The following GPM6A variants were observed in gnomAD, a reference collection of about 807,000 sequenced individuals.
GPM6A encodes the protein neuronal membrane glycoprotein M6-a.
Under a neutral mutation model 32.1 loss-of-function variants are expected in GPM6A, and 7 were observed. The observed-to-expected ratio is 0.22, with a 90% CI of 0.12 to 0.41. The LOEUF is 0.41. GPM6A is among the 10% of genes least tolerant of loss of function. GPM6A has a pLI of 1.00. For missense variants in GPM6A, 235 were observed against 347.2 expected (o/e 0.68, Z 2.57); for synonymous variants, 130 against 123.4 (o/e 1.05, Z -0.35).
intron 1 of GPM6A, among the ~76,000 whole-genome samples, chr4:175,840,544 C>G (rs1420176375): frequency 6.6e-6 from 1 of 152,042 alleles, no homozygotes; most frequent in African/African-American, 2.4e-5. Context: ...CCTTGTGGCG[C>G]AGGCCTGTAA....
chr4:175,874,472 C>T (rs1369423162), intron 1 of GPM6A, among the ~76,000 whole-genome samples: 3 of 151,948 alleles, frequency 2.0e-5, no homozygotes, highest in Admixed American at 2.0e-4. Context: ...CTTGAGAGAG[C>T]AGGTTCAGTA....
chr4:175,960,924 A>C (rs1740143479), intron 1 of GPM6A, among the ~76,000 whole-genome samples: 1 of 152,248 alleles, frequency 6.6e-6, no homozygotes, highest in Admixed American at 6.5e-5. Flanking sequence ...CTTCCAAGAC[A>C]TAGCTACTTT....
chr4:175,923,458 A>G (rs1738734540), intron 1 of GPM6A, among the ~76,000 whole-genome samples: 1 of 150,774 alleles, frequency 6.6e-6, no homozygotes, highest in East Asian at 1.9e-4. Flanking sequence ...GTGTGAGCAG[A>G]AGTCGGTGAT....
chr4:175,896,803 G>A (rs918181244), intron 1 of GPM6A, among the ~76,000 whole-genome samples: 1 of 152,008 alleles, frequency 6.6e-6, no homozygotes, highest in African/African-American at 2.4e-5. Context: ...GTTATTCAAG[G>A]CCATATTCTG....
chr4:175,668,154 T>C (rs758825607), intron 3 of GPM6A, among the ~76,000 whole-genome samples: 20 of 152,152 alleles, frequency 1.3e-4, no homozygotes, highest in Non-Finnish European at 2.8e-4. Context: ...TATTTTTTCT[T>C]ATTTATTTCT....
At chr4:175,948,817 A>G (rs1350373679) in intron 1 of GPM6A, among the ~76,000 whole-genome samples, 2 of 137,208 alleles carry the variant, frequency 1.5e-5, no homozygotes, top group Non-Finnish European at 2.9e-5. Flanking sequence ...AACAATGTTA[A>G]TACTAACTTA....
At chr4:175,649,451 G>C (rs1318140629) in intron 4 of GPM6A, among the ~76,000 whole-genome samples, 1 of 152,068 alleles carries the variant, frequency 6.6e-6, no homozygotes, top group Admixed American at 6.6e-5. Context: ...AAACAAACTT[G>C]GGGAAATTTT....
intron 4 of GPM6A, among the ~76,000 whole-genome samples, chr4:175,648,367 G>T (rs1741594947): frequency 6.6e-6 from 1 of 152,162 alleles, no homozygotes; most frequent in Non-Finnish European, 1.5e-5. Context: ...CCGTGAAGGG[G>T]AATTAAGCTT....
intron 1 of GPM6A, among the ~76,000 whole-genome samples, chr4:175,871,423 T>C (rs1400996176): frequency 6.6e-6 from 1 of 152,002 alleles, no homozygotes; most frequent in Non-Finnish European, 1.5e-5. Context: ...TGATCCGAGA[T>C]TGCACCACTG....
At chr4:175,770,701 G>T (rs1296320125) in intron 1 of GPM6A, among the ~76,000 whole-genome samples, 1 of 152,104 alleles carries the variant, frequency 6.6e-6, no homozygotes, top group African/African-American at 2.4e-5. Context: ...TGCCAGCCCT[G>T]ATCTTGCTGC....
intron 2 of GPM6A, among the ~76,000 whole-genome samples, chr4:175,700,218 A>T (rs1490096147): frequency 1.3e-5 from 2 of 152,150 alleles, no homozygotes; most frequent in African/African-American, 2.4e-5. Flanking sequence ...AATAAATAAA[A>T]AAAAATTATG....
intron 2 of GPM6A, among the ~76,000 whole-genome samples, chr4:175,698,442 G>A (rs571375111): frequency 6.6e-6 from 1 of 152,152 alleles, no homozygotes; most frequent in African/African-American, 2.4e-5. Context: ...AGCCTCCTCT[G>A]CCTTCTGTTT....
chr4:175,863,906 C>A (rs375555325), intron 1 of GPM6A, among the ~76,000 whole-genome samples: 1 of 151,962 alleles, frequency 6.6e-6, no homozygotes, highest in Middle Eastern at 3.4e-3. Flanking sequence ...GAGGCTGAGG[C>A]GGGAGGATCC....
chr4:175,733,808 G>T (rs1295459380), intron 1 of GPM6A, among the ~76,000 whole-genome samples: 1 of 152,120 alleles, frequency 6.6e-6, no homozygotes, highest in Non-Finnish European at 1.5e-5. Context: ...CACAGCATAG[G>T]CGCTTAGCCA....
intron 1 of GPM6A, among the ~76,000 whole-genome samples, chr4:175,743,784 A>C (rs1176932339): frequency 1.3e-5 from 2 of 152,062 alleles, no homozygotes; most frequent in Admixed American, 1.3e-4. Context: ...AAAAATAAAG[A>C]AGGACATTTC....
chr4:175,726,137 T>C (rs923158731), intron 1 of GPM6A, among the ~76,000 whole-genome samples: 1 of 149,016 alleles, frequency 6.7e-6, no homozygotes, highest in Admixed American at 6.8e-5. Context: ...GGACTACAGG[T>C]GCCCACCACC....
At chr4:175,982,176 T>C (rs1258126178) in intron 1 of GPM6A, among the ~76,000 whole-genome samples, 1 of 152,126 alleles carries the variant, frequency 6.6e-6, no homozygotes, top group Non-Finnish European at 1.5e-5. Context: ...CGCAAATGAT[T>C]TCCCCCAGTA....
intron 5 of GPM6A, 44 bp downstream of exon 5, chr4:175,640,709 A>C: frequency 8.1e-7 from 1 of 1,231,316 alleles, no homozygotes; most frequent in South Asian, 1.2e-5. Context: ...ATAAAAAATG[A>C]ATGCTAAAAT....
At chr4:175,756,112 A>C (rs954183684) in intron 1 of GPM6A, among the ~76,000 whole-genome samples, 8 of 152,134 alleles carry the variant, frequency 5.3e-5, no homozygotes, top group Non-Finnish European at 8.8e-5. Context: ...TAGGTGATTA[A>C]GATCTAGCAT....
Sources: allele counts gnomAD v4.1 joint callset (sites outside exome capture counted in the v4.1 genomes callset), GRCh38; gene constraint gnomAD v4.1.1; transcripts MANE v1.5; gene names NCBI Gene and HGNC (gene_info 2026-07-23, HGNC 2026-07-21).